Variants in HMGXB3 observed in about 807,000 individuals in gnomAD.
HMGXB3 encodes HMG domain-containing protein 3.
Under a neutral mutation model 121.5 loss-of-function variants are expected in HMGXB3, and 45 were observed. That is an observed-to-expected ratio of 0.37 (90% CI 0.29 to 0.47). The LOEUF (loss-of-function observed/expected upper bound fraction) is 0.47, where lower values mean the gene tolerates loss of function less well. HMGXB3 is among the 20% of genes least tolerant of loss of function. The probability of loss-of-function intolerance (pLI) is 0.99; values close to 1 mark genes in which losing one functional copy is unlikely to be tolerated. For missense variants in HMGXB3, 1,376 were observed against 1,602.2 expected, an observed-to-expected ratio of 0.86 and a Z score of 2.41; for synonymous variants, 590 against 624.1, an observed-to-expected ratio of 0.95 and a Z score of 0.81.
chr5:150,006,983 C>T (rs1755718704), intron 3 of HMGXB3, among the ~76,000 whole-genome samples: 1 of 152,154 alleles, frequency 6.6e-6, no homozygotes. Context: ...TTTATATAGG[C>T]ATTTCTCCTA....
chr5:150,021,053 C>G (rs1756080768), intron 6 of HMGXB3, among the ~76,000 whole-genome samples: 1 of 152,092 alleles, frequency 6.6e-6, no homozygotes, highest in African/African-American at 2.4e-5. Flanking sequence ...ACTTTAGAGC[C>G]ATGGTTCTCT....
At chr5:150,014,677 A>G (rs1014819228) in intron 5 of HMGXB3, 22 of 199,924 alleles carry the variant, frequency 1.1e-4, no homozygotes, top group Non-Finnish European at 7.0e-5. Flanking sequence ...CAAACAGGGT[A>G]TGAGATGACA....
Position 150,012,272 on chromosome 5 carries a change from C to T in HMGXB3, c.828C>T (p.Ser276=), listed in dbSNP as rs185868821. The change falls in exon 5 of 20, where the codon AGC becomes AGT. Residue 276 remains serine, a synonymous_variant. Coordinates refer to ENST00000502717, the MANE Select transcript of HMGXB3 (RefSeq NM_014983.3). ...VTVMRDSSES[S]SSAPATQFIM... The stretch of plus-strand genomic sequence containing the variant: ...GCCCATAGGATTCCAGTGAGAGTAG[C>T]TCCTCTGCACCAGCCACACAGTTCA... The T allele has an allele frequency of 4.4e-5, 69 of 1,552,076 alleles. No individual in the cohort carries two copies. In the East Asian group the frequency reaches 1.5e-3, roughly 35 times the overall value.
At chr5:150,017,702 C>T (rs934776291) in intron 5 of HMGXB3, among the ~76,000 whole-genome samples, 42 of 152,150 alleles carry the variant, frequency 2.8e-4, no homozygotes, top group African/African-American at 8.9e-4. Context: ...AAGCTTTTTG[C>T]GTTTTGGCTG....
chr5:150,008,073 A>T (rs961315272), intron 3 of HMGXB3, among the ~76,000 whole-genome samples: 59 of 151,260 alleles, frequency 3.9e-4, no homozygotes, highest in African/African-American at 1.4e-3. Context: ...ACACACACAC[A>T]CACACACACA....
At chr5:150,011,506 T>C (rs1479331805) in intron 4 of HMGXB3, among the ~76,000 whole-genome samples, 3 of 152,110 alleles carry the variant, frequency 2.0e-5, no homozygotes, top group Non-Finnish European at 4.4e-5. Context: ...CCCTGCAATC[T>C]GTCCCAGGGC....
intron 15 of HMGXB3, among the ~76,000 whole-genome samples, chr5:150,044,876 A>G (rs1366479385): frequency 1.3e-5 from 2 of 152,232 alleles, no homozygotes; most frequent in South Asian, 2.1e-4. Context: ...ATAGATGTCT[A>G]TAAGAGATAA....
chr5:150,034,993 A>G (rs1281767307), intron 11 of HMGXB3, among the ~76,000 whole-genome samples: 1 of 152,214 alleles, frequency 6.6e-6, no homozygotes, highest in East Asian at 1.9e-4. Context: ...AATGCCTGCT[A>G]TGGGCCAGGC....
chr5:150,020,627 GT>G (rs1756067472), intron 6 of HMGXB3, among the ~76,000 whole-genome samples: 1 of 150,188 alleles, frequency 6.7e-6, no homozygotes, highest in African/African-American at 2.5e-5. Context: ...CTCTTGCTAT[GT>G]TGCCTAGGCC....
At chr5:150,023,949 T>C (rs1013806510) in intron 6 of HMGXB3, among the ~76,000 whole-genome samples, 1 of 152,254 alleles carries the variant, frequency 6.6e-6, no homozygotes, top group African/African-American at 2.4e-5. Flanking sequence ...TTGAATAATG[T>C]AAAACTAAAT....
rs1467316079 is a variant in HMGXB3 at position 150,024,308 on chromosome 5, C to G, written c.1088C>G (p.Ser363Cys). ...VKVELASGVSSKGSVVKRNQQ... is the reference protein window; with the variant it reads ...VKVELASGVSCKGSVVKRNQQ... ...GTGGAATTGGCTTCTGGCGTCTCTT[C>G]CAAAGGCTCTGTGGTGAAAAGAAAT... The change falls in exon 7 of 20, where the codon TCC (serine) becomes TGC (cysteine). Residue 363 changes from serine to cysteine, a missense_variant. Around this residue, in one of 2 missense-constraint regions of HMGXB3, gnomAD observed 1,116 missense variants for 1,369.0 expected, o/e 0.82. Transcript: ENST00000502717. 4 of 1,550,510 alleles carry G rather than the reference C, an allele frequency of 2.6e-6. No individual in the cohort carries two copies. The Admixed American group carries it at 5.9e-5, about 23-fold the overall frequency.
intron 5 of HMGXB3, among the ~76,000 whole-genome samples, chr5:150,015,595 T>G (rs780074403): frequency 3.3e-5 from 5 of 152,184 alleles, no homozygotes; most frequent in Non-Finnish European, 7.4e-5. Flanking sequence ...AGCTCTTTCT[T>G]TCTTTTCTAA....
intron 1 of HMGXB3, among the ~76,000 whole-genome samples, chr5:150,001,396 G>A (rs1316485855): frequency 2.0e-5 from 3 of 152,252 alleles, no homozygotes; most frequent in Non-Finnish European, 4.4e-5. Flanking sequence ...GACCCAGAAT[G>A]AGGGAAAGGA....
At chr5:150,022,674 A>G (rs1409750704) in intron 6 of HMGXB3, among the ~76,000 whole-genome samples, 1 of 152,042 alleles carries the variant, frequency 6.6e-6, no homozygotes, top group Non-Finnish European at 1.5e-5. Flanking sequence ...TTTCTGCTAA[A>G]TTTTCCCTCT....
chr5:150,041,201 C>T (rs1756625443), intron 14 of HMGXB3, among the ~76,000 whole-genome samples: 2 of 152,254 alleles, frequency 1.3e-5, no homozygotes, highest in South Asian at 2.1e-4. Flanking sequence ...TGGATATCTG[C>T]TTCCAGTCCC....
rs139538098 is a variant in HMGXB3 at position 150,009,370 on chromosome 5, A to T, written c.313-741A>T. Among the ~76,000 whole-genome samples the T allele has an allele frequency of 9.0e-3, 1,373 of 152,390 alleles. 10 individuals carry two copies. Among genetic ancestry groups the T allele is most frequent in the Non-Finnish European group, 0.016 (1,102 of 68,044 alleles). On this transcript the variant is annotated intron_variant, in intron 3 of 19. Coordinates refer to ENST00000502717, the MANE Select transcript of HMGXB3 (RefSeq NM_014983.3). ...AGTGTTGTTTTTAAGATAAAATCAG[A>T]TAATGTGTTTGAAAACATTTTCTAA...
In HMGXB3 at chr5:150,030,755, A is replaced by G. The variant is rs1756352854; in HGVS notation, c.1749A>G (p.Pro583=). The G allele has an allele frequency of 6.4e-7, 1 of 1,552,192 alleles. No individual in the cohort carries two copies. Among genetic ancestry groups the G allele is most frequent in the Non-Finnish European group, 8.7e-7 (1 of 1,147,030 alleles). ...GPGEVKLPSG[P]SNRTSQVKVV... ...CTGATCCACAGCTACCAAGTGGCCC[A>G]TCCAACAGGACTTCTCAGGTGAAAG... Residue 583 remains proline, a synonymous_variant, in exon 10 of 20, where the codon CCA becomes CCG. Transcript: ENST00000502717.
At chr5:150,018,528 G>C (rs1005955002) in intron 5 of HMGXB3, 38 bp from the exon 6 acceptor site, 1 of 1,490,326 alleles carries the variant, frequency 6.7e-7, no homozygotes, top group African/African-American at 1.4e-5. Flanking sequence ...GTCTGAGAGA[G>C]GTTGTTCTAT....
chr5:150,034,677 C>T (rs1756461999), intron 11 of HMGXB3, among the ~76,000 whole-genome samples: 1 of 152,206 alleles, frequency 6.6e-6, no homozygotes, highest in Non-Finnish European at 1.5e-5. Context: ...TGGAGAAATA[C>T]AGTGTAATTA....
Sources: allele counts gnomAD v4.1 joint callset (sites outside exome capture counted in the v4.1 genomes callset), GRCh38; gene constraint gnomAD v4.1.1; regional missense constraint gnomAD v4.1.1; transcripts MANE v1.5; gene names NCBI Gene and HGNC (gene_info 2026-07-23, HGNC 2026-07-21).